Variants in GRIP1 observed in about 807,000 individuals in gnomAD.
The protein encoded by GRIP1 is glutamate receptor interacting protein 1, also known as glutamate receptor-interacting protein 1.
A neutral mutation model predicts 129.9 loss-of-function variants in GRIP1; 45 were observed. The observed-to-expected ratio is 0.35, with a 90% CI of 0.27 to 0.44. The LOEUF (loss-of-function observed/expected upper bound fraction) is 0.44, where lower values mean the gene tolerates loss of function less well. GRIP1 is among the 20% of genes least tolerant of loss of function. The pLI, the probability that GRIP1 is intolerant of heterozygous loss-of-function variation, is 1.00. For missense variants in GRIP1, 1,196 were observed against 1,396.8 expected, an observed-to-expected ratio of 0.86 and a Z score of 2.29; for synonymous variants, 530 against 520.8, an observed-to-expected ratio of 1.02 and a Z score of -0.24.
intron 5 of GRIP1, among the ~76,000 whole-genome samples, chr12:66,528,125 A>T (rs1309160311): frequency 8.8e-6 from 1 of 114,044 alleles, no homozygotes; most frequent in Non-Finnish European, 1.8e-5. Flanking sequence ...TATACTTTAG[A>T]ATTAGTAGGT....
chr12:66,679,444 C>CA (rs10691128), upstream of GRIP1, among the ~76,000 whole-genome samples: 9,395 of 117,000 alleles, frequency 0.08, 497 homozygotes, highest in African/African-American at 0.14. Context: ...AAACAACAAC[C>CA]AAAAAAAAAA....
chr12:66,588,149 T>C (rs571018961), intron 2 of GRIP1, among the ~76,000 whole-genome samples: 2 of 152,262 alleles, frequency 1.3e-5, no homozygotes, highest in African/African-American at 4.8e-5. Context: ...TAAAGCATAG[T>C]TATGGTGTTA....
chr12:67,051,184 C>T (rs780093842), intron 1 of GRIP1, among the ~76,000 whole-genome samples: 44 of 152,046 alleles, frequency 2.9e-4, no homozygotes, highest in Non-Finnish European at 5.0e-4. Flanking sequence ...GAACATGAAA[C>T]GGAGGGACTT....
At chr12:66,793,238 T>C (rs2038596497) in intron 1 of GRIP1, among the ~76,000 whole-genome samples, 1 of 152,188 alleles carries the variant, frequency 6.6e-6, no homozygotes, top group Non-Finnish European at 1.5e-5. Context: ...ACAAAATGCA[T>C]TCATATTCAA....
intron 16 of GRIP1, among the ~76,000 whole-genome samples, chr12:66,401,598 G>GTGTATATATATATATATATATA (rs71096098): frequency 4.5e-4 from 30 of 66,266 alleles, no homozygotes; most frequent in African/African-American, 1.7e-3. Flanking sequence ...AAATATGTGT[G>GTGTATATATATATATATATATA]TATATATATA....
intron 2 of GRIP1, chr12:66,569,030 C>G (rs1331394286): frequency 1.7e-5 from 7 of 405,652 alleles, no homozygotes; most frequent in Non-Finnish European, 3.4e-5. Flanking sequence ...TTATTCTGGT[C>G]TTCAGCAGTC....
intron 1 of GRIP1, among the ~76,000 whole-genome samples, chr12:66,877,055 G>A (rs1219729063): frequency 2.0e-5 from 3 of 152,000 alleles, no homozygotes; most frequent in Non-Finnish European, 4.4e-5. Flanking sequence ...GTATGAGTGA[G>A]CTTGCTTCAT....
chr12:66,596,723 G>A (rs2064064522), intron 2 of GRIP1, 124 bp downstream of exon 2: 1 of 705,944 alleles, frequency 1.4e-6, no homozygotes, highest in South Asian at 1.6e-5. Context: ...TTCAGTCTAT[G>A]CTCTGTGAAA....
chr12:66,675,207 G>C (rs1051694012), intron 1 of GRIP1, among the ~76,000 whole-genome samples: 2 of 152,148 alleles, frequency 1.3e-5, no homozygotes, highest in East Asian at 3.9e-4. Context: ...GAGGGTGGGT[G>C]GCAGCAAAAC....
upstream of GRIP1, among the ~76,000 whole-genome samples, chr12:66,805,202 A>G (rs2038964799): frequency 6.6e-6 from 1 of 152,198 alleles, no homozygotes. Flanking sequence ...ACAAAACTTA[A>G]TTCTTCTTGG....
chr12:66,504,704 C>A (rs79854211), intron 7 of GRIP1, among the ~76,000 whole-genome samples: 2,838 of 152,210 alleles, frequency 0.019, 84 homozygotes, highest in African/African-American at 0.065. Flanking sequence ...CCTAGATGAG[C>A]CTCATATATA....
rs1263332868 is a variant in GRIP1 at position 66,353,406 on chromosome 12, TGAG to T, written c.3159+8_3159+10del. 6.3e-7 allele frequency: 1 copy of T among 1,593,568 alleles called. No homozygotes were observed. Among genetic ancestry groups the T allele is most frequent in the South Asian group, 1.1e-5 (1 of 90,692 alleles). On this transcript the variant is annotated splice_region_variant and intron_variant, in intron 24 of 24. Transcript: ENST00000359742. ...ACTTGCAAGGAATTAAAATTCCACC[TGAG>T]GTCTTACCTGTAAGAGCCTGTCATA...
intron 1 of GRIP1, among the ~76,000 whole-genome samples, chr12:66,753,823 T>C (rs10506495): frequency 0.19 from 28,674 of 152,194 alleles, 2,800 homozygotes; most frequent in Middle Eastern, 0.3. Context: ...TGAAAGTGGT[T>C]AAATGACTGA....
At chr12:66,889,599 G>A (rs538496178) in intron 1 of GRIP1, among the ~76,000 whole-genome samples, 2 of 152,272 alleles carry the variant, frequency 1.3e-5, no homozygotes, top group South Asian at 4.1e-4. Flanking sequence ...ATAATCAGTG[G>A]TGTAAGGTAA....
At chr12:66,831,802 G>A (rs995609173) in intron 1 of GRIP1, among the ~76,000 whole-genome samples, 8 of 152,054 alleles carry the variant, frequency 5.3e-5, no homozygotes, top group Non-Finnish European at 7.3e-5. Flanking sequence ...ATCTCCTGAC[G>A]CCTTGGTATG....
intron 1 of GRIP1, among the ~76,000 whole-genome samples, chr12:66,714,291 T>G (rs1414427265): frequency 6.6e-6 from 1 of 152,068 alleles, no homozygotes; most frequent in East Asian, 1.9e-4. Flanking sequence ...AAATTTTCTA[T>G]TTACATTTTT....
At chr12:66,552,021 GA>G (rs1410549842) in intron 2 of GRIP1, among the ~76,000 whole-genome samples, 1 of 152,188 alleles carries the variant, frequency 6.6e-6, no homozygotes, top group East Asian at 1.9e-4. Context: ...TAAAAAGAAA[GA>G]ACACTCTGGA....
intron 1 of GRIP1, among the ~76,000 whole-genome samples, chr12:66,737,174 T>C (rs2036631273): frequency 6.6e-6 from 1 of 152,164 alleles, no homozygotes; most frequent in South Asian, 2.1e-4. Flanking sequence ...ATAAGATGCT[T>C]GTTTGCTTAG....
chr12:66,410,328 G>A (rs1565710865), intron 15 of GRIP1, among the ~76,000 whole-genome samples: 1 of 144,074 alleles, frequency 6.9e-6, no homozygotes, highest in Non-Finnish European at 1.5e-5. Context: ...AGCCAGAGAA[G>A]ATGAAAGAAA....
Sources: gnomAD v4.1 joint callset for allele counts (sites outside exome capture counted in the v4.1 genomes callset) on GRCh38, gnomAD v4.1.1 for gene constraint, MANE v1.5 for transcripts, NCBI Gene and HGNC (gene_info 2026-07-23, HGNC 2026-07-21) for gene names.